SH3RF3: variants seen among roughly 807,000 people sequenced by gnomAD.
The protein encoded by SH3RF3 is E3 ubiquitin-protein ligase SH3RF3.
In SH3RF3, 29 loss-of-function variants were observed where a neutral mutation model predicts 66.3. That is an observed-to-expected ratio of 0.44 (90% CI 0.33 to 0.60). The LOEUF is 0.60. SH3RF3 is among the 20% of genes least tolerant of loss of function. The pLI, the probability that SH3RF3 is intolerant of heterozygous loss-of-function variation, is 0.04. For synonymous variants in SH3RF3, 583 were observed against 532.0 expected (o/e 1.10, Z -1.32); for missense variants, 1,194 against 1,190.9 (o/e 1.00, Z -0.04).
intron 1 of SH3RF3, among the ~76,000 whole-genome samples, chr2:109,264,544 C>G (rs1030325693): frequency 3.3e-5 from 5 of 152,260 alleles, no homozygotes; most frequent in African/African-American, 1.2e-4. Context: ...GTCTCAGGGC[C>G]AAAGCCAGGC....
chr2:109,206,000 C>A (rs1233265606), intron 1 of SH3RF3, among the ~76,000 whole-genome samples: 1 of 152,182 alleles, frequency 6.6e-6, no homozygotes, highest in African/African-American at 2.4e-5. Context: ...GTTTCAAGGC[C>A]AAGTAGTAGT....
At chr2:109,248,783 G>C (rs1323645614) in intron 1 of SH3RF3, among the ~76,000 whole-genome samples, 1 of 140,908 alleles carries the variant, frequency 7.1e-6, no homozygotes, top group African/African-American at 2.8e-5. Flanking sequence ...TCTTCTTTCT[G>C]TCTTTCTCTT....
intron 9 of SH3RF3, among the ~76,000 whole-genome samples, chr2:109,491,855 G>C (rs1159175845): frequency 6.6e-6 from 1 of 152,152 alleles, no homozygotes; most frequent in African/African-American, 2.4e-5. Context: ...TTGGCCGTTC[G>C]GGTGCCTGCA....
Position 109,433,102 on chromosome 2 carries a change from C to T in SH3RF3, c.1574+431C>T, listed in dbSNP as rs557326343. Among the ~76,000 whole-genome samples, 28 of 152,266 alleles carry T rather than the reference C, an allele frequency of 1.8e-4. 1 individual carries two copies. The highest frequency in any genetic ancestry group is 3.9e-4 in the Admixed American group (6 of 15,298). On this transcript the variant is annotated intron_variant, in intron 6 of 9. Transcript: ENST00000309415. ...ATGTGTGCAGAGTATGTGCAGTGTG[C>T]GTGCCTGTGCACGTGCGTATGCATA...
chr2:109,467,127 C>G (rs1347726826), intron 8 of SH3RF3, among the ~76,000 whole-genome samples: 1 of 152,250 alleles, frequency 6.6e-6, no homozygotes, highest in Non-Finnish European at 1.5e-5. Flanking sequence ...ACCTGTCACT[C>G]AGCCATTCCA....
intron 1 of SH3RF3, among the ~76,000 whole-genome samples, chr2:109,214,212 C>T (rs17035155): frequency 0.26 from 39,819 of 152,002 alleles, 5,539 homozygotes; most frequent in East Asian, 0.46. Context: ...GGAAATAAAG[C>T]TGTCAGCATG....
intron 8 of SH3RF3, among the ~76,000 whole-genome samples, chr2:109,471,108 T>A (rs761317173): frequency 4.8e-5 from 7 of 146,880 alleles, no homozygotes; most frequent in Non-Finnish European, 7.4e-5. Flanking sequence ...TAATCCCAGC[T>A]ACTTGGGAGG....
At chr2:109,353,071 G>T (rs1682874372) in intron 2 of SH3RF3, among the ~76,000 whole-genome samples, 1 of 152,194 alleles carries the variant, frequency 6.6e-6, no homozygotes, top group African/African-American at 2.4e-5. Context: ...TCTCAAATCT[G>T]TGCCACATGG....
chr2:109,301,520 C>T lies in SH3RF3; in HGVS notation c.574-46154C>T, dbSNP rs188262680. Reference sequence around the variant, plus strand: ...AGTGCCGCAGAGTGACAGCACAGGGCATGCCAGGACACCAGGGTGCCCAGA... The same window carrying T: ...AGTGCCGCAGAGTGACAGCACAGGGTATGCCAGGACACCAGGGTGCCCAGA... On this transcript the variant is annotated intron_variant, in intron 1 of 9. Coordinates refer to ENST00000309415, the MANE Select transcript of SH3RF3 (RefSeq NM_001099289.3). 3.4e-3 allele frequency among the ~76,000 whole-genome samples: 513 copies of T among 152,214 alleles called. 2 individuals are homozygous for T. Among genetic ancestry groups the T allele is most frequent in the Non-Finnish European group, 5.1e-3 (348 of 68,014 alleles).
chr2:109,140,265 A>G (rs1676916758), intron 1 of SH3RF3, among the ~76,000 whole-genome samples: 1 of 152,232 alleles, frequency 6.6e-6, no homozygotes. Context: ...TCCTGAGATC[A>G]GCTGCATCCA....
chr2:109,211,703 G>A (rs141817104), intron 1 of SH3RF3, among the ~76,000 whole-genome samples: 8 of 149,612 alleles, frequency 5.3e-5, no homozygotes, highest in African/African-American at 2.0e-4. Flanking sequence ...GGAGTGCAAT[G>A]GTGCAATCTT....
chr2:109,216,136 C>T (rs1232707946), intron 1 of SH3RF3, among the ~76,000 whole-genome samples: 1 of 152,176 alleles, frequency 6.6e-6, no homozygotes, highest in African/African-American at 2.4e-5. Context: ...GTCTGGTTCC[C>T]AGCTCAGCAT....
intron 1 of SH3RF3, among the ~76,000 whole-genome samples, chr2:109,184,396 A>T (rs778387727): frequency 6.6e-6 from 1 of 152,208 alleles, no homozygotes; most frequent in Non-Finnish European, 1.5e-5. Context: ...GCAGCTTTTC[A>T]GGTGATGAAA....
intron 4 of SH3RF3, among the ~76,000 whole-genome samples, chr2:109,415,944 C>CA (rs1676711801): frequency 6.6e-6 from 1 of 152,120 alleles, no homozygotes; most frequent in African/African-American, 2.4e-5. Context: ...TTCCTGGATT[C>CA]ATGGGAGCAG....
intron 1 of SH3RF3, among the ~76,000 whole-genome samples, chr2:109,254,691 G>C (rs186150222): frequency 4.6e-5 from 7 of 152,280 alleles, no homozygotes; most frequent in Admixed American, 3.9e-4. Flanking sequence ...CCTAATGTTG[G>C]TGTGTGGTTG....
intron 1 of SH3RF3, among the ~76,000 whole-genome samples, chr2:109,287,810 T>G (rs560235165): frequency 3.9e-5 from 6 of 152,330 alleles, no homozygotes; most frequent in African/African-American, 1.4e-4. Flanking sequence ...TGTTGCCAGT[T>G]TTAGGGCGCT....
rs765867278 is a variant in SH3RF3 at position 109,449,226 on chromosome 2, C to T, written c.1885C>T (p.Arg629Cys). 49 of 1,613,342 alleles carry T rather than the reference C, an allele frequency of 3.0e-5. No homozygotes were observed. The Admixed American group carries it at 3.3e-4, about 11-fold the overall frequency. Reference sequence around the variant, plus strand: ...GCCAACTGCCACCGTGTCACCCCTGCGCACCCAGAACTCTCCATCCCGCCT... The same window carrying T: ...GCCAACTGCCACCGTGTCACCCCTGTGCACCCAGAACTCTCCATCCCGCCT... Reference protein sequence around the residue: ...DRPTATVSPLRTQNSPSRLPA... With the variant: ...DRPTATVSPLCTQNSPSRLPA... Residue 629 changes from arginine to cysteine, a missense_variant, in exon 8 of 10, where the codon CGC becomes TGC. Coordinates refer to ENST00000309415, the MANE Select transcript of SH3RF3 (RefSeq NM_001099289.3).
At chr2:109,419,302 C>T (rs1366653751) in intron 4 of SH3RF3, among the ~76,000 whole-genome samples, 1 of 152,174 alleles carries the variant, frequency 6.6e-6, no homozygotes, top group African/African-American at 2.4e-5. Flanking sequence ...AGATGCAGGC[C>T]GTAGAAGGCT....
intron 4 of SH3RF3, among the ~76,000 whole-genome samples, chr2:109,400,573 G>GCACACACA (rs61479132): frequency 0.026 from 3,715 of 144,394 alleles, 70 homozygotes; most frequent in Middle Eastern, 0.036. Flanking sequence ...ACACACCTGT[G>GCACACACA]CGCACACACA....
Sources: allele counts gnomAD v4.1 joint callset (sites outside exome capture counted in the v4.1 genomes callset), GRCh38; gene constraint gnomAD v4.1.1; transcripts MANE v1.5; gene names NCBI Gene and HGNC (gene_info 2026-07-23, HGNC 2026-07-21).